Variants in OPCML observed in about 807,000 individuals in gnomAD.
OPCML encodes the protein opioid-binding protein/cell adhesion molecule.
OPCML carries 13 observed loss-of-function variants against 37.8 expected under a neutral mutation model. The observed-to-expected ratio is 0.34, with a 90% CI of 0.22 to 0.55. The LOEUF (loss-of-function observed/expected upper bound fraction) is 0.55, where lower values mean the gene tolerates loss of function less well. Ranked by LOEUF, OPCML falls within the 20% of genes least tolerant of loss-of-function variation. The pLI is 0.91. For synonymous variants in OPCML, 176 were observed against 168.8 expected, an observed-to-expected ratio of 1.04 and a Z score of -0.33; for missense variants, 341 against 435.6, an observed-to-expected ratio of 0.78 and a Z score of 1.93.
At chr11:133,431,085 AAACT>A (rs1946106300) in intron 1 of OPCML, among the ~76,000 whole-genome samples, 1 of 152,238 alleles carries the variant, frequency 6.6e-6, no homozygotes, top group African/African-American at 2.4e-5. Flanking sequence ...AAATTAACAC[AAACT>A]AAGTATCTTC....
intron 2 of OPCML, among the ~76,000 whole-genome samples, chr11:132,722,789 G>C (rs536741819): frequency 6.6e-6 from 1 of 152,280 alleles, no homozygotes; most frequent in African/African-American, 2.4e-5. Flanking sequence ...TGAGAGGTCA[G>C]ATCTCCCAGG....
intron 3 of OPCML, among the ~76,000 whole-genome samples, chr11:132,631,162 C>A (rs1940078834): frequency 6.6e-6 from 1 of 151,676 alleles, no homozygotes. Context: ...TAATTTTCCT[C>A]CAGTGGCTAC....
Position 133,173,851 on chromosome 11 carries a change from A to G in OPCML, c.62-230841T>C, listed in dbSNP as rs567255698. Among the ~76,000 whole-genome samples the G allele has an allele frequency of 4.0e-5, 6 of 150,204 alleles. No homozygotes were observed. The South Asian group carries it at 6.2e-4, about 16-fold the overall frequency. ...TGCAGGCCTTGAGTTTATGAGGCAA[A>G]TAATGAAGTTGATAAATGGGTCTGC... is the stretch of plus-strand genomic sequence containing the variant. On this transcript the variant is annotated intron_variant, in intron 1 of 7. Transcript: ENST00000524381. This position sits in a 1 kb window ranked among gnomAD's most constrained non-coding sequence, Gnocchi z 7.8.
intron 5 of OPCML, 179 bp from the exon 6 acceptor site, chr11:132,436,958 C>T: frequency 1.0e-6 from 1 of 966,190 alleles, no homozygotes; most frequent in Non-Finnish European, 1.2e-6. Context: ...CTTGAAGATA[C>T]TGCATTGACC....
At chr11:133,449,286 C>G (rs1946532041) in intron 1 of OPCML, among the ~76,000 whole-genome samples, 2 of 152,186 alleles carry the variant, frequency 1.3e-5, no homozygotes, top group Non-Finnish European at 2.9e-5. Flanking sequence ...TTTTGCTGGA[C>G]ATAAAGTCTC....
At chr11:133,200,093 A>G (rs923424102) in intron 1 of OPCML, among the ~76,000 whole-genome samples, 59 of 152,090 alleles carry the variant, frequency 3.9e-4, no homozygotes, top group Non-Finnish European at 1.2e-4. Context: ...CCCCACCCCT[A>G]CACAGCTCCT....
intron 2 of OPCML, among the ~76,000 whole-genome samples, chr11:132,728,128 G>A (rs556388530): frequency 6.6e-6 from 1 of 152,360 alleles, no homozygotes; most frequent in South Asian, 2.1e-4. Flanking sequence ...GTAACAAGCA[G>A]GGCTGCTCCA....
Position 132,560,769 on chromosome 11 carries a change from G to C in OPCML, c.380-31583C>G, listed in dbSNP as rs539443106. On this transcript the variant is annotated intron_variant, in intron 3 of 7. Transcript: ENST00000524381. ...TATTCATGTTCTTAGCCCACTTTTT[G>C]ATGGGATTGTTTTTTTCTTGAGTTC... is the stretch of plus-strand genomic sequence containing the variant. Among the ~76,000 whole-genome samples, 24 of 152,192 alleles carry C rather than the reference G, an allele frequency of 1.6e-4. No individual in the cohort carries two copies. The South Asian group carries it at 3.3e-3, about 21-fold the overall frequency.
intron 1 of OPCML, among the ~76,000 whole-genome samples, chr11:133,234,199 T>A (rs1940411556): frequency 1.3e-5 from 2 of 151,920 alleles, no homozygotes; most frequent in African/African-American, 4.8e-5. Context: ...GATCCATTTT[T>A]AAAATTTTGT....
At chr11:133,232,766 G>A (rs1424945753) in intron 1 of OPCML, among the ~76,000 whole-genome samples, 1 of 152,160 alleles carries the variant, frequency 6.6e-6, no homozygotes, top group African/African-American at 2.4e-5. Flanking sequence ...GAGAAAAAGT[G>A]GGGGAAAGAG....
intron 2 of OPCML, among the ~76,000 whole-genome samples, chr11:132,740,970 T>C (rs1349382390): frequency 3.9e-5 from 6 of 152,226 alleles, no homozygotes; most frequent in African/African-American, 1.2e-4. Flanking sequence ...AAGGGCAATG[T>C]GATGAAGGGA....
At chr11:133,501,259 G>A (rs957626435) in intron 1 of OPCML, among the ~76,000 whole-genome samples, 40 of 152,116 alleles carry the variant, frequency 2.6e-4, no homozygotes, top group Admixed American at 2.0e-3. Context: ...CAGGGATGAC[G>A]TTCCCCTTCA....
intron 1 of OPCML, among the ~76,000 whole-genome samples, chr11:133,342,998 C>G (rs1240796050): frequency 6.6e-6 from 1 of 152,088 alleles, no homozygotes; most frequent in African/African-American, 2.4e-5. Flanking sequence ...TGAACATCTC[C>G]CTACATTTTT....
chr11:133,296,300 T>C (rs892160479), intron 1 of OPCML, among the ~76,000 whole-genome samples: 1 of 152,218 alleles, frequency 6.6e-6, no homozygotes, highest in Non-Finnish European at 1.5e-5. Flanking sequence ...TTTATTTAGA[T>C]TGAGGTCTGC....
intron 2 of OPCML, among the ~76,000 whole-genome samples, chr11:132,680,867 G>T (rs552128868): frequency 6.6e-6 from 1 of 152,184 alleles, no homozygotes; most frequent in Non-Finnish European, 1.5e-5. Flanking sequence ...AGCAGAAGAC[G>T]CCTGTTGCCC....
chr11:133,464,905 A>C (rs1445720236), intron 1 of OPCML, among the ~76,000 whole-genome samples: 2 of 152,036 alleles, frequency 1.3e-5, no homozygotes, highest in Non-Finnish European at 2.9e-5. Flanking sequence ...AGGCCCTTAG[A>C]CTCGGGTACC....
intron 1 of OPCML, among the ~76,000 whole-genome samples, chr11:133,498,752 A>G (rs1165211997): frequency 6.6e-6 from 1 of 152,232 alleles, no homozygotes; most frequent in African/African-American, 2.4e-5. Flanking sequence ...GGGAGGTCCC[A>G]AAGGAGAACT....
chr11:132,859,793 T>TA (rs1942219454), intron 2 of OPCML, among the ~76,000 whole-genome samples: 1 of 152,232 alleles, frequency 6.6e-6, no homozygotes, highest in South Asian at 2.1e-4. Flanking sequence ...TTCAACAAAA[T>TA]ACTTCCCGTA....
chr11:133,471,149 A>G (rs1300586470), intron 1 of OPCML, among the ~76,000 whole-genome samples: 1 of 152,214 alleles, frequency 6.6e-6, no homozygotes, highest in Non-Finnish European at 1.5e-5. Flanking sequence ...AGTTCAGAAA[A>G]CAAACAACAG....
Sources: gnomAD v4.1 joint callset for allele counts (sites outside exome capture counted in the v4.1 genomes callset) on GRCh38, gnomAD v4.1.1 for gene constraint, Gnocchi (gnomAD v3.1) non-coding constraint, MANE v1.5 for transcripts, NCBI Gene and HGNC (gene_info 2026-07-23, HGNC 2026-07-21) for gene names.